Variants in LRMDA observed in about 807,000 individuals in gnomAD.
LRMDA encodes the protein leucine-rich melanocyte differentiation-associated protein.
LRMDA carries 18 observed loss-of-function variants against 29.8 expected under a neutral mutation model. That is an observed-to-expected ratio of 0.60 (90% CI 0.42 to 0.90). The LOEUF (loss-of-function observed/expected upper bound fraction) is 0.90. Among genes scored for constraint, LRMDA ranks in the 40% least tolerant of loss-of-function variants. LRMDA has a pLI of 0.00. For synonymous variants in LRMDA, 125 were observed against 109.4 expected, an observed-to-expected ratio of 1.14 and a Z score of -0.89; for missense variants, 273 against 273.9, an observed-to-expected ratio of 1.00 and a Z score of 0.02.
At chr10:76,385,430 G>T (rs1389922683) in intron 6 of LRMDA, among the ~76,000 whole-genome samples, 10 of 152,190 alleles carry the variant, frequency 6.6e-5, no homozygotes, top group Admixed American at 6.5e-4. Flanking sequence ...ACCCCAAAAG[G>T]TATGATACTT....
intron 5 of LRMDA, among the ~76,000 whole-genome samples, chr10:76,124,928 A>G (rs1026664346): frequency 1.7e-4 from 26 of 152,200 alleles, no homozygotes; most frequent in Non-Finnish European, 2.9e-5. Flanking sequence ...TCTCAAAAGC[A>G]GGGTTTGGGG....
At position 76,559,194 on chromosome 10, in the gene LRMDA, A is replaced by C. The variant is rs1843595051; in HGVS notation, c.*1906A>C. On this transcript the variant is annotated 3_prime_UTR_variant, in exon 7 of 7. Transcript: ENST00000611255. Reference sequence around the variant, plus strand: ...TATAAAAGGCTTTAACCCTGCCTCAAACAATAAAAAAGCACTTGTGAACTG... The same window carrying C: ...TATAAAAGGCTTTAACCCTGCCTCACACAATAAAAAAGCACTTGTGAACTG... 2 of 152,180 alleles carry C rather than the reference A, an allele frequency of 1.3e-5. No homozygotes were observed. Among genetic ancestry groups the C allele is most frequent in the African/African-American group, 4.8e-5 (2 of 41,430 alleles). 9.4% of individuals were successfully genotyped at this position (152,180 alleles called of 1,614,324 possible). A position where few individuals can be genotyped will look rare whatever the true frequency, so the allele number is the denominator to read the frequency against.
At chr10:75,926,661 C>T (rs1031051696) in intron 2 of LRMDA, among the ~76,000 whole-genome samples, 3 of 152,230 alleles carry the variant, frequency 2.0e-5, no homozygotes, top group African/African-American at 7.2e-5. Flanking sequence ...CCGTGTTCTT[C>T]AAGCCTGCAG....
chr10:75,541,028 T>C (rs1244187335), intron 2 of LRMDA, among the ~76,000 whole-genome samples: 3 of 152,162 alleles, frequency 2.0e-5, no homozygotes, highest in African/African-American at 7.2e-5. Context: ...AGGGCACTTA[T>C]AAGAAGAGTT....
chr10:76,466,124 A>C (rs554519479), intron 6 of LRMDA, among the ~76,000 whole-genome samples: 8 of 152,318 alleles, frequency 5.3e-5, no homozygotes, highest in Admixed American at 2.6e-4. Context: ...GAAATAACAA[A>C]CATAGTAATT....
At chr10:76,111,091 T>C (rs1443888032) in intron 5 of LRMDA, among the ~76,000 whole-genome samples, 1 of 152,298 alleles carries the variant, frequency 6.6e-6, no homozygotes, top group African/African-American at 2.4e-5. Context: ...CTAAATCAAC[T>C]TTGTCCTTCT....
intron 6 of LRMDA, among the ~76,000 whole-genome samples, chr10:76,376,508 G>A (rs1271728524): frequency 6.6e-6 from 1 of 152,014 alleles, no homozygotes; most frequent in Admixed American, 6.6e-5. Context: ...CTTTACTATT[G>A]TGAATAGTAC....
intron 2 of LRMDA, among the ~76,000 whole-genome samples, chr10:75,807,381 G>A (rs1843872992): frequency 1.3e-5 from 2 of 152,214 alleles, no homozygotes; most frequent in African/African-American, 4.8e-5. Flanking sequence ...GAGCGATGGG[G>A]CAGGATGGCT....
chr10:75,940,349 T>TC (rs1846368480), intron 2 of LRMDA, among the ~76,000 whole-genome samples: 1 of 152,104 alleles, frequency 6.6e-6, no homozygotes, highest in Non-Finnish European at 1.5e-5. Flanking sequence ...GAGCCACCTG[T>TC]CCCCTCATGC....
intron 2 of LRMDA, among the ~76,000 whole-genome samples, chr10:75,543,897 C>G (rs1283355146): frequency 6.6e-6 from 1 of 152,130 alleles, no homozygotes; most frequent in Non-Finnish European, 1.5e-5. Flanking sequence ...TCACTCCTTT[C>G]AGTGACAGAA....
At chr10:75,978,050 C>T (rs1486578223) in intron 2 of LRMDA, among the ~76,000 whole-genome samples, 1 of 152,174 alleles carries the variant, frequency 6.6e-6, no homozygotes, top group Non-Finnish European at 1.5e-5. Flanking sequence ...CAGGGCTATT[C>T]AGTTCATTGG....
At chr10:75,822,535 G>A (rs1236416424) in intron 2 of LRMDA, among the ~76,000 whole-genome samples, 1 of 152,050 alleles carries the variant, frequency 6.6e-6, no homozygotes, top group Non-Finnish European at 1.5e-5. Flanking sequence ...AACAAAGCTA[G>A]TGGTACCATA....
chr10:76,305,645 T>G (rs1840545041), intron 5 of LRMDA, among the ~76,000 whole-genome samples: 1 of 152,198 alleles, frequency 6.6e-6, no homozygotes, highest in African/African-American at 2.4e-5. Flanking sequence ...AGAATAAGGC[T>G]GCTAGAATGG....
At chr10:76,215,840 G>A (rs902526750) in intron 5 of LRMDA, among the ~76,000 whole-genome samples, 1 of 152,222 alleles carries the variant, frequency 6.6e-6, no homozygotes, top group Non-Finnish European at 1.5e-5. Context: ...AATCAGCAAA[G>A]CAGAGGTTTA....
At chr10:75,982,999 A>G (rs1278558258) in intron 2 of LRMDA, among the ~76,000 whole-genome samples, 2 of 152,238 alleles carry the variant, frequency 1.3e-5, no homozygotes, top group Non-Finnish European at 2.9e-5. Context: ...TCAAGGTCAC[A>G]TAGCCCACAT....
intron 2 of LRMDA, among the ~76,000 whole-genome samples, chr10:75,968,493 G>T (rs1846907028): frequency 6.6e-6 from 1 of 152,184 alleles, no homozygotes. Context: ...AGGGAAGGCT[G>T]CACATTCTAG....
intron 2 of LRMDA, among the ~76,000 whole-genome samples, chr10:75,448,363 A>G (rs1397656202): frequency 6.6e-6 from 1 of 151,966 alleles, no homozygotes; most frequent in African/African-American, 2.4e-5. Flanking sequence ...GCACTGCCCC[A>G]CCCTCTCCCT....
intron 2 of LRMDA, among the ~76,000 whole-genome samples, chr10:75,589,332 T>A (rs1043609578): frequency 3.3e-5 from 5 of 152,212 alleles, no homozygotes; most frequent in Non-Finnish European, 7.3e-5. Context: ...AGTGTTTAAT[T>A]TGCATTTCTC....
intron 2 of LRMDA, among the ~76,000 whole-genome samples, chr10:75,654,338 C>A (rs1480212940): frequency 1.3e-5 from 2 of 152,114 alleles, no homozygotes; most frequent in African/African-American, 4.8e-5. Context: ...TAAGATAATG[C>A]TCATCAATCT....
Sources: allele counts gnomAD v4.1 joint callset (sites outside exome capture counted in the v4.1 genomes callset), GRCh38; gene constraint gnomAD v4.1.1; transcripts MANE v1.5; gene names NCBI Gene and HGNC (gene_info 2026-07-23, HGNC 2026-07-21).